Variants in AUTS2 observed in about 807,000 individuals in gnomAD.
The protein encoded by AUTS2 is autism susceptibility gene 2 protein.
A neutral mutation model predicts 112.4 loss-of-function variants in AUTS2; 17 were observed. The ratio of observed to expected loss-of-function variants is 0.15; its 90% CI spans 0.10 to 0.23. The LOEUF is 0.23. AUTS2 is among the 10% of genes least tolerant of loss of function. The probability of loss-of-function intolerance (pLI) is 1.00; values close to 1 mark genes in which losing one functional copy is unlikely to be tolerated. For synonymous variants in AUTS2, 751 were observed against 702.7 expected, an observed-to-expected ratio of 1.07 and a Z score of -1.09; for missense variants, 1,510 against 1,701.6, an observed-to-expected ratio of 0.89 and a Z score of 1.98.
chr7:70,329,302 G>A (rs1180580804), intron 4 of AUTS2, among the ~76,000 whole-genome samples: 1 of 152,068 alleles, frequency 6.6e-6, no homozygotes, highest in Admixed American at 6.5e-5. Context: ...CCTAGGAGTG[G>A]CATTGCAGGA....
intron 1 of AUTS2, among the ~76,000 whole-genome samples, chr7:69,896,177 G>C (rs964110104): frequency 3.3e-5 from 5 of 152,210 alleles, no homozygotes; most frequent in African/African-American, 1.2e-4. Flanking sequence ...ATAGCTGACT[G>C]AGGTTGTGGA....
intron 1 of AUTS2, among the ~76,000 whole-genome samples, chr7:69,896,519 A>G (rs1437927238): frequency 6.6e-6 from 1 of 151,826 alleles, no homozygotes; most frequent in East Asian, 1.9e-4. Flanking sequence ...TCCTTCGTGT[A>G]TACCAGCAGT....
intron 6 of AUTS2, among the ~76,000 whole-genome samples, chr7:70,717,000 T>C (rs988610174): frequency 1.7e-5 from 1 of 60,520 alleles, no homozygotes. Context: ...AGTTATTTTT[T>C]TTTTTTTTTT....
At chr7:69,990,413 C>G (rs1022539646) in intron 2 of AUTS2, among the ~76,000 whole-genome samples, 9 of 152,056 alleles carry the variant, frequency 5.9e-5, no homozygotes, top group African/African-American at 2.2e-4. Context: ...TCATGTTGTT[C>G]CAGATGAATT....
intron 6 of AUTS2, among the ~76,000 whole-genome samples, chr7:70,699,824 C>T (rs573880096): frequency 6.6e-6 from 1 of 152,214 alleles, no homozygotes; most frequent in Admixed American, 6.5e-5. Flanking sequence ...ATACAGTACT[C>T]GTGTGTAAAA....
At chr7:69,839,514 C>G (rs1011015217) in intron 1 of AUTS2, among the ~76,000 whole-genome samples, 3 of 152,140 alleles carry the variant, frequency 2.0e-5, no homozygotes, top group Admixed American at 6.5e-5. Flanking sequence ...CTTATTTTAT[C>G]TCTCCAAGTA....
intron 4 of AUTS2, among the ~76,000 whole-genome samples, chr7:70,254,952 C>A (rs777138604): frequency 6.6e-6 from 1 of 152,148 alleles, no homozygotes; most frequent in African/African-American, 2.4e-5. Context: ...ACATAACAAT[C>A]CTCATCATAA....
At chr7:70,223,851 T>TG (rs1811611344) in intron 4 of AUTS2, among the ~76,000 whole-genome samples, 3 of 142,312 alleles carry the variant, frequency 2.1e-5, no homozygotes, top group East Asian at 2.1e-4. Context: ...TTTGTATCTT[T>TG]GTTTTTTTTT....
chr7:70,710,600 G>A (rs1394171387), intron 6 of AUTS2, among the ~76,000 whole-genome samples: 1 of 152,224 alleles, frequency 6.6e-6, no homozygotes, highest in Non-Finnish European at 1.5e-5. Context: ...GTCTTCTTGT[G>A]TCTTTGCGGG....
intron 2 of AUTS2, among the ~76,000 whole-genome samples, chr7:69,997,334 C>G (rs1053939116): frequency 1.3e-5 from 2 of 152,108 alleles, no homozygotes; most frequent in Non-Finnish European, 2.9e-5. Flanking sequence ...TACCTTTTCA[C>G]GTGATGGTCA....
At chr7:70,253,050 A>G (rs921032105) in intron 4 of AUTS2, among the ~76,000 whole-genome samples, 3 of 152,076 alleles carry the variant, frequency 2.0e-5, no homozygotes, top group Admixed American at 6.5e-5. Flanking sequence ...TATGTAGTCA[A>G]TTTATGAATT....
At chr7:70,746,169 C>T (rs1290885017) in intron 6 of AUTS2, among the ~76,000 whole-genome samples, 2 of 152,088 alleles carry the variant, frequency 1.3e-5, no homozygotes, top group African/African-American at 4.8e-5. Context: ...TATTTTGAGA[C>T]AGAGTCTCAC....
At chr7:70,589,027 T>C (rs1165900441) in intron 5 of AUTS2, among the ~76,000 whole-genome samples, 1 of 152,238 alleles carries the variant, frequency 6.6e-6, no homozygotes, top group East Asian at 1.9e-4. Context: ...AGCATGTACT[T>C]TGAAACATTT....
intron 5 of AUTS2, among the ~76,000 whole-genome samples, chr7:70,642,555 A>G (rs1458477117): frequency 1.3e-5 from 2 of 152,084 alleles, no homozygotes; most frequent in African/African-American, 4.8e-5. Flanking sequence ...AAGTCTTAGA[A>G]GAACTATGTT....
intron 5 of AUTS2, among the ~76,000 whole-genome samples, chr7:70,569,401 A>T (rs1426375960): frequency 6.6e-6 from 1 of 152,196 alleles, no homozygotes; most frequent in South Asian, 2.1e-4. Flanking sequence ...CCATTACATT[A>T]TATCATAGAG....
At chr7:69,712,603 G>A (rs964520751) in intron 1 of AUTS2, among the ~76,000 whole-genome samples, 3 of 152,064 alleles carry the variant, frequency 2.0e-5, no homozygotes, top group Non-Finnish European at 4.4e-5. Context: ...ATACACCAAA[G>A]TTTGTTTATC....
intron 1 of AUTS2, among the ~76,000 whole-genome samples, chr7:69,650,125 T>C (rs889850763): frequency 6.6e-6 from 1 of 152,164 alleles, no homozygotes. Flanking sequence ...AAATCATTTA[T>C]TGGGATGATT....
At chr7:70,211,751 C>A (rs938828275) in intron 4 of AUTS2, among the ~76,000 whole-genome samples, 4 of 151,950 alleles carry the variant, frequency 2.6e-5, no homozygotes, top group Non-Finnish European at 5.9e-5. Context: ...CTTTGGGAGG[C>A]CGAGGCAGGT....
At chr7:69,607,249 A>G (rs1334320711) in intron 1 of AUTS2, among the ~76,000 whole-genome samples, 1 of 152,150 alleles carries the variant, frequency 6.6e-6, no homozygotes, top group African/African-American at 2.4e-5. Flanking sequence ...TGTTTATTTC[A>G]TATATTAGTG....
Sources: allele counts gnomAD v4.1 joint callset (sites outside exome capture counted in the v4.1 genomes callset), GRCh38; gene constraint gnomAD v4.1.1; transcripts MANE v1.5; gene names NCBI Gene and HGNC (gene_info 2026-07-23, HGNC 2026-07-21).